Variants in ZNF536 observed in about 807,000 individuals in gnomAD.
ZNF536 encodes the protein zinc finger protein 536.
A neutral mutation model predicts 84.5 loss-of-function variants in ZNF536; 13 were observed. That is an observed-to-expected ratio of 0.15 (90% confidence interval 0.10 to 0.24). ZNF536 has a LOEUF of 0.24. Among genes scored for constraint, ZNF536 ranks in the 10% least tolerant of loss-of-function variants. ZNF536 has a pLI of 1.00. For missense variants in ZNF536, 1,536 were observed against 1,747.5 expected, an observed-to-expected ratio of 0.88 and a Z score of 2.16; for synonymous variants, 811 against 742.5, an observed-to-expected ratio of 1.09 and a Z score of -1.50.
chr19:30,378,995 G>T (rs1002264591), intron 1 of ZNF536, among the ~76,000 whole-genome samples: 6 of 152,202 alleles, frequency 3.9e-5, no homozygotes, highest in Non-Finnish European at 1.5e-5. Context: ...AGTGTGGGGA[G>T]GGGGTGATAG....
intron 2 of ZNF536, among the ~76,000 whole-genome samples, chr19:30,493,368 A>G (rs1176659960): frequency 6.6e-6 from 1 of 152,138 alleles, no homozygotes; most frequent in Non-Finnish European, 1.5e-5. Flanking sequence ...ACGAGGTAAC[A>G]AGGCAGTAGG....
At chr19:30,375,409 C>T (rs1293493139) in intron 1 of ZNF536, among the ~76,000 whole-genome samples, 1 of 152,120 alleles carries the variant, frequency 6.6e-6, no homozygotes, top group Non-Finnish European at 1.5e-5. Flanking sequence ...CGGGGGCTCC[C>T]CGCTACCTGC....
chr19:30,658,237 G>A (rs1014372233), intron 1 of ZNF536, among the ~76,000 whole-genome samples: 7 of 152,072 alleles, frequency 4.6e-5, no homozygotes, highest in South Asian at 4.2e-4. Flanking sequence ...GGCCAGACTA[G>A]TCTTGAAGTT....
At chr19:30,345,980 T>C (rs1254167531) in intron 2 of ZNF536, among the ~76,000 whole-genome samples, 1 of 152,242 alleles carries the variant, frequency 6.6e-6, no homozygotes, top group South Asian at 2.1e-4. Context: ...TTGCCTAGTG[T>C]GACCAGGTTG....
chr19:30,250,522 T>G (rs2024546923), intron 1 of ZNF536, among the ~76,000 whole-genome samples: 2 of 152,156 alleles, frequency 1.3e-5, no homozygotes, highest in East Asian at 3.9e-4. Flanking sequence ...AAGTCGGGTC[T>G]GCAAGGGTCT....
intron 1 of ZNF536, among the ~76,000 whole-genome samples, chr19:30,651,514 G>A (rs979458543): frequency 2.6e-5 from 4 of 152,160 alleles, no homozygotes; most frequent in African/African-American, 9.7e-5. Context: ...GAATAAGCAC[G>A]AGGAAATTGA....
At chr19:30,461,157 A>G (rs1654645) in intron 2 of ZNF536, among the ~76,000 whole-genome samples, 151,237 of 152,234 alleles carry the variant, frequency 0.99, 75,122 homozygotes, top group East Asian at 1. Flanking sequence ...AGAGATTCCC[A>G]GAGGTCTGGA....
At chr19:30,594,763 G>T (rs897551611) in intron 1 of ZNF536, among the ~76,000 whole-genome samples, 3 of 151,924 alleles carry the variant, frequency 2.0e-5, no homozygotes, top group African/African-American at 7.3e-5. Context: ...GCGAGAAGCC[G>T]CTGCTTGGAT....
chr19:30,581,995 A>C (rs2146681259), intron 1 of ZNF536, among the ~76,000 whole-genome samples: 1 of 152,314 alleles, frequency 6.6e-6, no homozygotes, highest in Non-Finnish European at 1.5e-5. Flanking sequence ...TCCAAGAGTC[A>C]GGAAGACACT....
At chr19:30,622,762 T>A (rs964786897) in intron 1 of ZNF536, among the ~76,000 whole-genome samples, 8 of 152,078 alleles carry the variant, frequency 5.3e-5, no homozygotes, top group Admixed American at 1.3e-4. Flanking sequence ...ATGTTTGGGG[T>A]GGTGCTTTGG....
chr19:30,293,843 C>A (rs2045916784), intron 2 of ZNF536, among the ~76,000 whole-genome samples: 1 of 152,172 alleles, frequency 6.6e-6, no homozygotes, highest in South Asian at 2.1e-4. Context: ...TTGCTAAATA[C>A]TGGAAGAAGG....
intron 1 of ZNF536, among the ~76,000 whole-genome samples, chr19:30,680,517 C>G (rs1182693132): frequency 6.7e-6 from 1 of 149,776 alleles, no homozygotes; most frequent in African/African-American, 2.5e-5. Context: ...GTTTTTTGTT[C>G]TTGCGATAGC....
intron 1 of ZNF536, among the ~76,000 whole-genome samples, chr19:30,388,247 C>T (rs1315178211): frequency 1.3e-5 from 2 of 152,146 alleles, no homozygotes; most frequent in South Asian, 2.1e-4. Context: ...CCTGGGACCT[C>T]GGTCAAAGTA....
At chr19:30,592,243 G>A (rs1223413183) in intron 1 of ZNF536, among the ~76,000 whole-genome samples, 3 of 152,156 alleles carry the variant, frequency 2.0e-5, no homozygotes, top group African/African-American at 7.2e-5. Context: ...TTGTATAAAG[G>A]TATCGAGGCA....
rs1210769214 is a variant in ZNF536 at position 30,534,956 on chromosome 19, C to G, written c.2280C>G (p.Phe760Leu). 1 of 1,613,728 alleles carries G rather than the reference C, an allele frequency of 6.2e-7. No homozygotes were observed. The highest frequency in any genetic ancestry group is 8.5e-7 in the Non-Finnish European group (1 of 1,179,818). Residue 760 changes from phenylalanine (F) to leucine (L), a missense_variant, in exon 3 of 5, where the codon TTC (phenylalanine) becomes TTG (leucine). This residue lies in a region of ZNF536 where 148 missense variants were observed against 205.4 expected (regional missense o/e 0.72). Coordinates refer to ENST00000355537, the MANE Select transcript of ZNF536 (RefSeq NM_014717.3). ...MKDCPYCGKT[F>L]RTSHHLKVHL... The stretch of plus-strand genomic sequence containing the variant: ...ACTGCCCGTACTGTGGGAAAACTTT[C>G]CGGACATCCCATCACCTTAAGGTGC...
chr19:30,342,398 T>C (rs1266600521), intron 2 of ZNF536, among the ~76,000 whole-genome samples: 1 of 152,168 alleles, frequency 6.6e-6, no homozygotes, highest in Non-Finnish European at 1.5e-5. Flanking sequence ...AGATATTTTC[T>C]TGAGATCATG....
At position 30,480,913 on chromosome 19, in the gene ZNF536, T is replaced by C. The variant is rs547016971; in HGVS notation, c.2170+35181T>C. ...TAGCTGGGCATGGTGGATGCGGCTG[T>C]AATTCCAGATACTTGGGAGGCTGAG... On this transcript the variant is annotated intron_variant, in intron 2 of 4. Coordinates refer to ENST00000355537, the MANE Select transcript of ZNF536 (RefSeq NM_014717.3). 5.3e-5 allele frequency among the ~76,000 whole-genome samples: 8 copies of C among 151,648 alleles called. No individual in the cohort carries two copies. In the East Asian group the frequency reaches 1.6e-3, roughly 30 times the overall value.
chr19:30,472,534 C>T (rs939972228), intron 2 of ZNF536, among the ~76,000 whole-genome samples: 1 of 152,146 alleles, frequency 6.6e-6, no homozygotes, highest in African/African-American at 2.4e-5. Context: ...GGCTGGTTTA[C>T]ACGTGATGGA....
At chr19:30,655,460 G>A (rs1188747879) in intron 1 of ZNF536, among the ~76,000 whole-genome samples, 2 of 152,192 alleles carry the variant, frequency 1.3e-5, no homozygotes, top group Non-Finnish European at 2.9e-5. Flanking sequence ...GGAGCTGGAA[G>A]TCATTGAATG....
Sources: allele counts gnomAD v4.1 joint callset (sites outside exome capture counted in the v4.1 genomes callset), GRCh38; gene constraint gnomAD v4.1.1; regional missense constraint gnomAD v4.1.1; transcripts MANE v1.5; gene names NCBI Gene and HGNC (gene_info 2026-07-23, HGNC 2026-07-21).